Variants in USH2A observed in about 807,000 individuals in gnomAD.
USH2A encodes usherin, also known as Usher syndrome 2A (autosomal recessive, mild).
In USH2A, 443 loss-of-function variants were observed where a neutral mutation model predicts 538.9. The observed-to-expected ratio is 0.82, with a 90% CI of 0.76 to 0.89. The LOEUF is 0.89. USH2A is among the 40% of genes least tolerant of loss of function. The pLI, the probability that USH2A is intolerant of heterozygous loss-of-function variation, is 0.00. For synonymous variants in USH2A, 2,413 were observed against 2,273.5 expected (o/e 1.06, Z -1.75); for missense variants, 6,633 against 6,324.8 (o/e 1.05, Z -1.65).
At chr1:215,949,810 G>A (rs1456823306) in intron 37 of USH2A, among the ~76,000 whole-genome samples, 1 of 151,992 alleles carries the variant, frequency 6.6e-6, no homozygotes, top group Non-Finnish European at 1.5e-5. Context: ...ATTTAAAATT[G>A]TAATGACTAA....
At chr1:215,724,301 T>G (rs1659747924) in intron 61 of USH2A, among the ~76,000 whole-genome samples, 1 of 152,008 alleles carries the variant, frequency 6.6e-6, no homozygotes, top group Admixed American at 6.6e-5. Flanking sequence ...TGAAATCATG[T>G]CTTTTGCAGC....
intron 20 of USH2A, among the ~76,000 whole-genome samples, chr1:216,180,817 G>A (rs1349124906): frequency 6.6e-6 from 1 of 152,108 alleles, no homozygotes. Flanking sequence ...CTTTTTCGCA[G>A]AAATGCAAAA....
chr1:215,924,298 G>A (rs1209454905), intron 38 of USH2A, among the ~76,000 whole-genome samples: 1 of 151,942 alleles, frequency 6.6e-6, no homozygotes, highest in Non-Finnish European at 1.5e-5. Flanking sequence ...TTTAGACTCT[G>A]GGGGGTCTAT....
At chr1:216,093,122 G>A (rs375106666) in intron 22 of USH2A, among the ~76,000 whole-genome samples, 7 of 151,978 alleles carry the variant, frequency 4.6e-5, no homozygotes, top group Non-Finnish European at 1.0e-4. Context: ...CTGCCACCAC[G>A]CCCAGCTAAG....
At chr1:216,158,811 A>G (rs934171836) in intron 21 of USH2A, among the ~76,000 whole-genome samples, 12 of 152,158 alleles carry the variant, frequency 7.9e-5, no homozygotes, top group Admixed American at 1.3e-4. Flanking sequence ...AAGACTTGCT[A>G]TTTAACAATA....
At position 215,721,088 on chromosome 1, in the gene USH2A, T is replaced by G. The variant is rs184239791; in HGVS notation, c.12066+6942A>C. ...GAGTTTTTGTTGTTGTTGTTGTTGT[T>G]TTTTGAGACAGGTTCTTGCCCTGTC... On this transcript the variant is annotated intron_variant, in intron 61 of 71. Coordinates refer to ENST00000307340, the MANE Select transcript of USH2A (RefSeq NM_206933.4). Among the ~76,000 whole-genome samples, 1,025 of 152,004 alleles carry G rather than the reference T, an allele frequency of 6.7e-3. 5 individuals are homozygous for G. Among genetic ancestry groups the G allele is most frequent in the Non-Finnish European group, 9.9e-3 (676 of 68,016 alleles).
At chr1:216,250,779 G>T (rs1054701284) in intron 12 of USH2A, 124 bp downstream of exon 12, 19 of 969,688 alleles carry the variant, frequency 2.0e-5, no homozygotes, top group Middle Eastern at 2.1e-4. Flanking sequence ...CATCCAAATT[G>T]TTTTTTTTTC....
chr1:216,400,433 G>A (rs1222831449), intron 3 of USH2A, among the ~76,000 whole-genome samples: 1 of 151,440 alleles, frequency 6.6e-6, no homozygotes, highest in Non-Finnish European at 1.5e-5. Context: ...AGAGCTTCAA[G>A]AACCAGTGAG....
intron 38 of USH2A, chr1:215,901,436 A>G (rs7528148): frequency 0.13 from 25,083 of 197,908 alleles, 2,306 homozygotes; most frequent in African/African-American, 0.27. Context: ...ATAAACATGA[A>G]TGGCTGAATA....
At chr1:215,907,585 G>A (rs1414135733) in intron 38 of USH2A, among the ~76,000 whole-genome samples, 1 of 151,990 alleles carries the variant, frequency 6.6e-6, no homozygotes, top group East Asian at 1.9e-4. Flanking sequence ...TTCAAGTGAT[G>A]CTGCTGAAAC....
At chr1:216,125,346 T>C (rs1318669337) in intron 21 of USH2A, among the ~76,000 whole-genome samples, 1 of 152,158 alleles carries the variant, frequency 6.6e-6, no homozygotes, top group Non-Finnish European at 1.5e-5. Flanking sequence ...GAATCGCTAT[T>C]AGCTGTCTTT....
chr1:216,150,255 C>A (rs559171674), intron 21 of USH2A, among the ~76,000 whole-genome samples: 1 of 152,210 alleles, frequency 6.6e-6, no homozygotes, highest in Non-Finnish European at 1.5e-5. Flanking sequence ...TGGTGCTATC[C>A]CCAAACTGCC....
intron 5 of USH2A, among the ~76,000 whole-genome samples, chr1:216,327,229 CA>C (rs1281046371): frequency 1.3e-5 from 2 of 152,090 alleles, no homozygotes; most frequent in African/African-American, 4.8e-5. Context: ...ATAAAGTCAA[CA>C]AACCAATTTA....
intron 58 of USH2A, among the ~76,000 whole-genome samples, chr1:215,755,296 A>G (rs1660756651): frequency 2.0e-5 from 3 of 152,154 alleles, no homozygotes; most frequent in South Asian, 2.1e-4. Context: ...TGTTTTGCCC[A>G]TTATTCAGCT....
intron 32 of USH2A, among the ~76,000 whole-genome samples, chr1:216,004,957 C>A (rs1477349357): frequency 1.3e-5 from 2 of 152,118 alleles, no homozygotes; most frequent in Non-Finnish European, 2.9e-5. Flanking sequence ...TATCCTCTAA[C>A]TACTTCAATT....
chr1:215,829,865 G>C lies in USH2A; in HGVS notation c.9371+8126C>G, dbSNP rs114837756. On this transcript the variant is annotated intron_variant, in intron 47 of 71. Coordinates refer to ENST00000307340, the MANE Select transcript of USH2A (RefSeq NM_206933.4). ...TCAAGTTTTTGCTAGGCTTCTGACT[G>C]GGGGGGAAAAGGAAAGTTGCCAAAG... Among the ~76,000 whole-genome samples the C allele has an allele frequency of 5.6e-3, 847 of 152,134 alleles. 6 individuals carry two copies. Among genetic ancestry groups the C allele is most frequent in the African/African-American group, 0.019 (768 of 41,510 alleles).
intron 21 of USH2A, among the ~76,000 whole-genome samples, chr1:216,126,839 T>G (rs573260583): frequency 6.4e-4 from 97 of 152,294 alleles, no homozygotes; most frequent in African/African-American, 2.3e-3. Context: ...ACTTAATGTT[T>G]AAGATAATAT....
At chr1:215,887,875 A>G (rs955275600) in intron 41 of USH2A, among the ~76,000 whole-genome samples, 9 of 152,230 alleles carry the variant, frequency 5.9e-5, no homozygotes, top group African/African-American at 1.9e-4. Context: ...GTTTGGTTAC[A>G]CTAATTTCCC....
At chr1:215,642,650 G>A (rs998627863) in intron 67 of USH2A, among the ~76,000 whole-genome samples, 9 of 152,050 alleles carry the variant, frequency 5.9e-5, no homozygotes, top group Admixed American at 2.0e-4. Flanking sequence ...TTTTACTACC[G>A]TCTGTGTGCT....
Sources: gnomAD v4.1 joint callset for allele counts (sites outside exome capture counted in the v4.1 genomes callset) on GRCh38, gnomAD v4.1.1 for gene constraint, MANE v1.5 for transcripts, NCBI Gene and HGNC (gene_info 2026-07-23, HGNC 2026-07-21) for gene names.